Variants in ABCA5 observed in about 807,000 individuals in gnomAD.
ABCA5 encodes cholesterol transporter ABCA5.
Under a neutral mutation model 206.0 loss-of-function variants are expected in ABCA5, and 163 were observed. The observed-to-expected ratio is 0.79, with a 90% confidence interval of 0.70 to 0.90. The LOEUF (loss-of-function observed/expected upper bound fraction) is 0.90, where lower values mean the gene tolerates loss of function less well. Among genes scored for constraint, ABCA5 ranks in the 40% least tolerant of loss-of-function variants. The probability of loss-of-function intolerance (pLI) is 0.00; values close to 1 mark genes in which losing one functional copy is unlikely to be tolerated. For synonymous variants in ABCA5, 609 were observed against 613.8 expected, an observed-to-expected ratio of 0.99 and a Z score of 0.11; for missense variants, 1,859 against 1,912.9, an observed-to-expected ratio of 0.97 and a Z score of 0.53.
chr17:69,326,719 C>T lies in ABCA5; in HGVS notation c.-16+333G>A, dbSNP rs1156690386. On this transcript the variant is annotated intron_variant, in intron 1 of 38. Transcript: ENST00000392676. The surrounding 1 kb of genome is among the most constrained non-coding windows in gnomAD (Gnocchi z 4.8). ...ACAGCGTCCAGGCAAAGGCAGTGTC[C>T]CGAAGTCCCACGGCCGGACCCGGTC... 6.6e-6 allele frequency among the ~76,000 whole-genome samples: 1 copy of T among 152,204 alleles called. No homozygotes were observed. Among genetic ancestry groups the T allele is most frequent in the Non-Finnish European group, 1.5e-5 (1 of 68,036 alleles).
At position 69,293,833 on chromosome 17, in the gene ABCA5, G is replaced by GGTGTGTGTGT. The variant is rs61315865; in HGVS notation, c.1495+812_1495+821dup. 3.8e-3 allele frequency among the ~76,000 whole-genome samples: 472 copies of GGTGTGTGTGT among 123,710 alleles called. 4 individuals carry two copies. Among genetic ancestry groups the GGTGTGTGTGT allele is most frequent in the African/African-American group, 7.4e-3 (248 of 33,376 alleles). The allele number at this position is 123,710 out of a possible 152,430, so 81.2% of individuals were successfully genotyped here. On this transcript the variant is annotated intron_variant, in intron 11 of 38. Coordinates refer to ENST00000392676, the MANE Select transcript of ABCA5 (RefSeq NM_172232.4). Reference sequence around the variant, plus strand: ...TAATCCCCCACCCTACAATCATACTGGTGTGTGTGTGTGTGTGTGTGTGTG... The same window carrying GGTGTGTGTGT: ...TAATCCCCCACCCTACAATCATACTGGTGTGTGTGTGTGTGTGTGTGTGTGTGTGTGTGTG...
intron 19 of ABCA5, 107 bp from the exon 20 acceptor site, chr17:69,274,235 T>G (rs2075306116): frequency 1.8e-6 from 2 of 1,104,118 alleles, no homozygotes; most frequent in Non-Finnish European, 2.5e-6. Context: ...TTGTTTTTAT[T>G]TGAGACAGGG....
intron 32 of ABCA5, 121 bp from the exon 33 acceptor site, chr17:69,253,990 T>C (rs897569371): frequency 5.3e-6 from 4 of 759,750 alleles, no homozygotes; most frequent in Non-Finnish European, 8.4e-6. Flanking sequence ...TTATTATAAG[T>C]AGGTAAGGGC....
chr17:69,277,323 G>C (rs2075343890), intron 19 of ABCA5, among the ~76,000 whole-genome samples: 1 of 152,056 alleles, frequency 6.6e-6, no homozygotes, highest in Admixed American at 6.6e-5. Context: ...TATATTCAAG[G>C]AAACTTGAAT....
At chr17:69,295,736 T>C (rs1382865262) in intron 10 of ABCA5, among the ~76,000 whole-genome samples, 2 of 152,216 alleles carry the variant, frequency 1.3e-5, no homozygotes, top group Admixed American at 6.5e-5. Flanking sequence ...AATGTTAAAA[T>C]AGACTAATAT....
intron 1 of ABCA5, among the ~76,000 whole-genome samples, chr17:69,321,085 C>T (rs777444668): frequency 2.5e-4 from 38 of 152,116 alleles, no homozygotes; most frequent in Non-Finnish European, 5.1e-4. Context: ...CACTGTTTTG[C>T]AGGGTCTGGA....
chr17:69,304,002 A>G (rs1598198053), intron 7 of ABCA5: 1 of 149,512 alleles, frequency 6.7e-6, no homozygotes, highest in Non-Finnish European at 1.5e-5. Context: ...TGAGTGTGCC[A>G]CTGCACTCCA....
chr17:69,261,098 A>C, intron 26 of ABCA5, 27 bp downstream of exon 26: 1 of 1,492,826 alleles, frequency 6.7e-7, no homozygotes, highest in Non-Finnish European at 9.0e-7. Context: ...ATGTTTTTTA[A>C]CATATTAAAA....
In ABCA5 at chr17:69,302,831, C is replaced by T. The variant is rs1490552859; in HGVS notation, c.1006G>A (p.Val336Met). 4 of 1,594,940 alleles carry T rather than the reference C, an allele frequency of 2.5e-6. No homozygotes were observed. In the East Asian group the frequency reaches 6.8e-5, roughly 27 times the overall value. Residue 336 changes from valine to methionine, a missense_variant, in exon 8 of 39, where the codon GTG (valine) becomes ATG (methionine). Transcript: ENST00000392676. ...ATAAGGCCAATAAATCCAAAAGCCA[C>T]AGTAACAAAAAATTCAACTATTCCC... ...HVGIVEFFVT[V>M]AFGFIGLMII...
At chr17:69,325,743 G>A (rs1301400886) in intron 1 of ABCA5, 1 of 152,096 alleles carries the variant, frequency 6.6e-6, no homozygotes, top group Non-Finnish European at 1.5e-5. Flanking sequence ...ATTCAGCAGG[G>A]TCCCTAGAGT....
chr17:69,302,848 A>G lies in ABCA5; in HGVS notation c.989T>C (p.Val330Ala). Reference protein sequence around the residue: ...LFKKSKHVGIVEFFVTVAFGF... With the variant: ...LFKKSKHVGIAEFFVTVAFGF... ...AAAAGCCACAGTAACAAAAAATTCA[A>G]CTATTCCCACATGTTTTGATTTTTT... The change falls in exon 8 of 39, where the codon GTT becomes GCT. Residue 330 changes from valine (V) to alanine (A), a missense_variant. Transcript: ENST00000392676. 1 of 1,590,838 alleles carries G rather than the reference A, an allele frequency of 6.3e-7. No homozygotes were observed.
intron 29 of ABCA5, 73 bp downstream of exon 29, chr17:69,256,084 T>C: frequency 2.1e-6 from 3 of 1,458,474 alleles, no homozygotes; most frequent in Non-Finnish European, 2.7e-6. Flanking sequence ...AAAATATTTT[T>C]CAGATTAATT....
At chr17:69,323,220 T>C (rs2075877787) in intron 1 of ABCA5, among the ~76,000 whole-genome samples, 1 of 152,200 alleles carries the variant, frequency 6.6e-6, no homozygotes, top group Non-Finnish European at 1.5e-5. Context: ...AAAAGACCGC[T>C]GACTGTGATA....
At position 69,261,618 on chromosome 17, in the gene ABCA5, T is replaced by C; in HGVS notation, c.3429+17A>G. On this transcript the variant is annotated intron_variant, in intron 25 of 38. Coordinates refer to ENST00000392676, the MANE Select transcript of ABCA5 (RefSeq NM_172232.4). ...AAACTGCTATGGAAAGTTGAAATAA[T>C]GTAAAATGTGACTTACCACAGAATA... 2 of 1,102,474 alleles carry C rather than the reference T, an allele frequency of 1.8e-6. No homozygotes were observed. Among genetic ancestry groups the C allele is most frequent in the Non-Finnish European group, 2.6e-6 (2 of 763,812 alleles). The allele number at this position is 1,102,474 out of a possible 1,614,324, so 68.3% of individuals were successfully genotyped here.
intron 28 of ABCA5, among the ~76,000 whole-genome samples, chr17:69,258,697 T>A (rs1054036395): frequency 2.0e-5 from 3 of 152,046 alleles, no homozygotes; most frequent in South Asian, 2.1e-4. Context: ...TCTAAAATAT[T>A]TTTTTTAAAA....
At chr17:69,292,418 T>C (rs540022575) in intron 11 of ABCA5, among the ~76,000 whole-genome samples, 81 of 152,334 alleles carry the variant, frequency 5.3e-4, no homozygotes, top group African/African-American at 1.7e-3. Flanking sequence ...GTTGGTAACA[T>C]ATAGAAATAC....
Position 69,323,084 on chromosome 17 carries a change from G to A in ABCA5, c.-16+3968C>T, listed in dbSNP as rs985517012. Among the ~76,000 whole-genome samples, 18 of 152,210 alleles carry A rather than the reference G, an allele frequency of 1.2e-4. 1 individual carries two copies. Among genetic ancestry groups the A allele is most frequent in the Middle Eastern group, 6.8e-3 (2 of 294 alleles). On this transcript the variant is annotated intron_variant, in intron 1 of 38. Transcript: ENST00000392676. ...TACTTGGGGCTTCTAAACGTTGTTC[G>A]GCACTGAAGGTTGACTTTGGAGACT... is the stretch of plus-strand genomic sequence containing the variant.
rs1411068965 is a variant in ABCA5, at chr17:69,277,656, T to C, written c.2579A>G (p.Lys860Arg). 6.2e-7 allele frequency: 1 copy of C among 1,610,246 alleles called. No homozygotes were observed. Among genetic ancestry groups the C allele is most frequent in the Admixed American group, 1.7e-5 (1 of 59,198 alleles). ...FHFFTLKRES[K>R]SVRSVLLLLL... Reference sequence around the variant, plus strand: ...TTATACTTACACTGATCTCACTGATTTACTTTCACGTTTCAAGGTAAAGAA... The same window carrying C: ...TTATACTTACACTGATCTCACTGATCTACTTTCACGTTTCAAGGTAAAGAA... Residue 860 changes from lysine to arginine, a missense_variant, in exon 19 of 39, where the codon AAA (lysine) becomes AGA (arginine). Physicochemically the swap from Lys to Arg is conservative, Grantham distance 26 (BLOSUM62 2). Coordinates refer to ENST00000392676, the MANE Select transcript of ABCA5 (RefSeq NM_172232.4).
intron 2 of ABCA5, 131 bp downstream of exon 2, chr17:69,314,183 T>A (rs930009032): frequency 9.4e-6 from 4 of 427,488 alleles, no homozygotes; most frequent in African/African-American, 8.2e-5. Context: ...ATGGCAAGCT[T>A]TTACTTTACA....
Sources: allele counts gnomAD v4.1 joint callset (sites outside exome capture counted in the v4.1 genomes callset), GRCh38; gene constraint gnomAD v4.1.1; non-coding constraint Gnocchi (gnomAD v3.1); transcripts MANE v1.5; gene names NCBI Gene and HGNC (gene_info 2026-07-23, HGNC 2026-07-21).